The following CCDC57 variants were observed in gnomAD, a reference collection of about 807,000 sequenced individuals.
CCDC57 encodes the protein coiled-coil domain-containing protein 57.
A neutral mutation model predicts 118.9 loss-of-function variants in CCDC57; 118 were observed. That is an observed-to-expected ratio of 0.99 (90% CI 0.86 to 1.16). CCDC57 has a LOEUF of 1.16. Among genes scored for constraint, CCDC57 ranks in the 50% most tolerant of loss-of-function variants. The pLI, the probability that CCDC57 is intolerant of heterozygous loss-of-function variation, is 0.00. For missense variants in CCDC57, 1,300 were observed against 1,320.7 expected (o/e 0.98, Z 0.24); for synonymous variants, 527 against 532.9 (o/e 0.99, Z 0.15).
intron 16 of CCDC57, 95 bp downstream of exon 15, chr17:82,151,465 T>A (rs957221243): frequency 9.7e-6 from 11 of 1,137,388 alleles, no homozygotes; most frequent in Admixed American, 2.4e-5. Context: ...CCCCAGAATC[T>A]GACCCACATC....
intron 19 of CCDC57, among the ~76,000 whole-genome samples, chr17:82,106,033 G>C (rs2034823218): frequency 6.6e-6 from 1 of 152,236 alleles, no homozygotes; most frequent in Non-Finnish European, 1.5e-5. Flanking sequence ...TTTCATGCCA[G>C]CACCTCCTCT....
intron 19 of CCDC57, among the ~76,000 whole-genome samples, chr17:82,123,815 G>GA (rs2037057520): frequency 6.6e-6 from 1 of 151,962 alleles, no homozygotes; most frequent in Admixed American, 6.6e-5. Flanking sequence ...AAAGACAAGG[G>GA]AAACATGAGG....
At chr17:82,109,577 G>C (rs1344179162) in intron 19 of CCDC57, among the ~76,000 whole-genome samples, 1 of 152,148 alleles carries the variant, frequency 6.6e-6, no homozygotes, top group Non-Finnish European at 1.5e-5. Context: ...TAAAGATCCG[G>C]CCAGGCGCGG....
chr17:82,151,499 C>T, intron 16 of CCDC57, 61 bp downstream of exon 15: 1 of 1,497,198 alleles, frequency 6.7e-7, no homozygotes, highest in South Asian at 1.2e-5. Flanking sequence ...ACACCCAGAA[C>T]CAGGTGCACA....
intron 4 of CCDC57, among the ~76,000 whole-genome samples, chr17:82,195,964 T>C (rs1013458672): frequency 5.3e-5 from 8 of 152,172 alleles, no homozygotes; most frequent in Non-Finnish European, 1.0e-4. Flanking sequence ...TATCTGAACA[T>C]GATAAAAAAT....
chr17:82,136,690 T>G (rs2039235798), intron 16 of CCDC57, among the ~76,000 whole-genome samples: 1 of 151,244 alleles, frequency 6.6e-6, no homozygotes, highest in Admixed American at 6.6e-5. Context: ...CTCCACCTCC[T>G]GGGCTCAAGC....
intron 2 of CCDC57, among the ~76,000 whole-genome samples, chr17:82,204,491 T>C (rs1197526507): frequency 6.6e-6 from 1 of 152,160 alleles, no homozygotes; most frequent in Non-Finnish European, 1.5e-5. Context: ...TTTTCAAAAA[T>C]GCTTTACCAG....
chr17:82,118,569 C>T lies in CCDC57; in HGVS notation c.2899+9123G>A, dbSNP rs2036225950. ...TGAAAGGACATTTGGGCACTTGATA[C>T]ACACCCATAAGGTGCACTCTAGGGA... On this transcript the variant is annotated intron_variant, in intron 19 of 19. Coordinates refer to ENST00000665763, the Ensembl canonical transcript of CCDC57. The surrounding 1 kb of genome is among the most constrained non-coding windows in gnomAD (Gnocchi z 4.7). Among the ~76,000 whole-genome samples the T allele has an allele frequency of 6.6e-6, 1 of 152,104 alleles. No homozygotes were observed. The highest frequency in any genetic ancestry group is 6.5e-5 in the Admixed American group (1 of 15,280).
chr17:82,166,520 AAAAC>A (rs1220021898), intron 13 of CCDC57, among the ~76,000 whole-genome samples: 1 of 151,736 alleles, frequency 6.6e-6, no homozygotes, highest in Non-Finnish European at 1.5e-5. Flanking sequence ...GTCTCTAAAA[AAAAC>A]AAACAAATAC....
At chr17:82,163,148 C>T (rs1037910290) in intron 14 of CCDC57, 52 bp downstream of exon 13, 6 of 1,593,260 alleles carry the variant, frequency 3.8e-6, no homozygotes, top group Non-Finnish European at 5.1e-6. Flanking sequence ...CACGCGCTCT[C>T]CCCCAGCAGC....
intron 19 of CCDC57, among the ~76,000 whole-genome samples, chr17:82,103,823 C>CGGGGCAGGGAGGGGCAGGGA (rs59005363): frequency 4.7e-5 from 7 of 148,680 alleles, no homozygotes; most frequent in African/African-American, 1.0e-4. Context: ...TCACAGTCCC[C>CGGGGCAGGGAGGGGCAGGGA]GGGGCAGGGA....
At chr17:82,117,512 C>T (rs906255151) in intron 19 of CCDC57, among the ~76,000 whole-genome samples, 2 of 152,018 alleles carry the variant, frequency 1.3e-5, no homozygotes, top group African/African-American at 4.8e-5. Context: ...GTGGTACGTG[C>T]CTGTGGTCCC....
chr17:82,143,327 T>C (rs1163165020), intron 16 of CCDC57, among the ~76,000 whole-genome samples: 1 of 151,536 alleles, frequency 6.6e-6, no homozygotes, highest in Non-Finnish European at 1.5e-5. Context: ...ATCTAAGAAA[T>C]CAGGAGAAGA....
intron 3 of CCDC57, among the ~76,000 whole-genome samples, chr17:82,201,300 G>A (rs961084654): frequency 2.0e-5 from 3 of 152,128 alleles, no homozygotes; most frequent in Non-Finnish European, 2.9e-5. Flanking sequence ...AGTTATATCA[G>A]AACCCAGAAA....
At chr17:82,169,191 A>G (rs2146209255) in intron 13 of CCDC57, among the ~76,000 whole-genome samples, 1 of 152,198 alleles carries the variant, frequency 6.6e-6, no homozygotes, top group East Asian at 1.9e-4. Context: ...TAGTGGTGCA[A>G]TCTCGGCTCA....
chr17:82,157,711 C>G (rs1439254031), intron 15 of CCDC57, 37 bp downstream of exon 14: 10 of 1,544,432 alleles, frequency 6.5e-6, no homozygotes, highest in Non-Finnish European at 8.7e-6. Context: ...GTGGCAGGAA[C>G]CTCGGCGGGT....
chr17:82,145,884 G>A, intron 16 of CCDC57: 1 of 445,592 alleles, frequency 2.2e-6, no homozygotes, highest in South Asian at 1.6e-5. Context: ...TGAATGGGGT[G>A]TTGGCAGGAA....
intron 19 of CCDC57, chr17:82,112,421 G>A (rs1012716133): frequency 6.6e-6 from 1 of 152,328 alleles, no homozygotes; most frequent in African/African-American, 2.4e-5. Flanking sequence ...CCTGGCTGGA[G>A]CTTCAGTATG....
chr17:82,128,831 C>T (rs1333004669), intron 17 of CCDC57, among the ~76,000 whole-genome samples: 4 of 152,170 alleles, frequency 2.6e-5, no homozygotes, highest in Non-Finnish European at 5.9e-5. Context: ...CCAGGGCAGC[C>T]TATGCATGGC....
Sources: allele counts gnomAD v4.1 joint callset (sites outside exome capture counted in the v4.1 genomes callset), GRCh38; gene constraint gnomAD v4.1.1; non-coding constraint Gnocchi (gnomAD v3.1); transcripts MANE v1.5; gene names NCBI Gene and HGNC (gene_info 2026-07-23, HGNC 2026-07-21).